RIMS2: variants seen among roughly 807,000 people sequenced by gnomAD.
The protein encoded by RIMS2 is regulating synaptic membrane exocytosis protein 2.
In RIMS2, 59 loss-of-function variants were observed where a neutral mutation model predicts 174.4. That is an observed-to-expected ratio of 0.34 (90% CI 0.27 to 0.42). The LOEUF (loss-of-function observed/expected upper bound fraction) is 0.42, where lower values mean the gene tolerates loss of function less well. RIMS2 is among the 10% of genes least tolerant of loss of function. The pLI is 1.00. For synonymous variants in RIMS2, 606 were observed against 572.5 expected, an observed-to-expected ratio of 1.06 and a Z score of -0.84; for missense variants, 1,620 against 1,666.3, an observed-to-expected ratio of 0.97 and a Z score of 0.48.
chr8:103,975,132 T>C (rs943576044), intron 15 of RIMS2, among the ~76,000 whole-genome samples: 18 of 152,188 alleles, frequency 1.2e-4, no homozygotes, highest in Admixed American at 7.9e-4. Flanking sequence ...GCCTTGGATA[T>C]AGTAACTGTC....
In RIMS2 at chr8:104,016,966, AT is replaced by A. The variant is rs1164867065; in HGVS notation, c.3334+2359del. On this transcript the variant is annotated intron_variant, in intron 19 of 23. Coordinates refer to ENST00000504942, the Ensembl canonical transcript of RIMS2. ...TAAAGTCCCCAATTGTGATTTTTCCATTTTTTTTATTTCATAAAACAAAGAG... is the reference window on the plus strand; with the variant it reads ...TAAAGTCCCCAATTGTGATTTTTCCATTTTTTTATTTCATAAAACAAAGAG... 4.0e-5 allele frequency among the ~76,000 whole-genome samples: 6 copies of A among 151,792 alleles called. No individual in the cohort carries two copies. In the Middle Eastern group the frequency reaches 0.017, roughly 433 times the overall value.
intron 12 of RIMS2, among the ~76,000 whole-genome samples, chr8:103,932,645 GA>G (rs1217259378): frequency 6.6e-6 from 1 of 152,166 alleles, no homozygotes; most frequent in Admixed American, 6.5e-5. Flanking sequence ...ATTTTGAAGA[GA>G]AACATATTTT....
chr8:103,701,478 T>C (rs1564341380), intron 2 of RIMS2, among the ~76,000 whole-genome samples: 1 of 152,116 alleles, frequency 6.6e-6, no homozygotes, highest in Non-Finnish European at 1.5e-5. Flanking sequence ...AGTGAATTAC[T>C]GATAACCATA....
At chr8:103,820,926 T>C (rs2098748161) in intron 3 of RIMS2, among the ~76,000 whole-genome samples, 1 of 151,434 alleles carries the variant, frequency 6.6e-6, no homozygotes, top group Non-Finnish European at 1.5e-5. Context: ...ATGTTATATT[T>C]AAATTAAAAA....
chr8:103,913,149 T>TC (rs1268848780), intron 6 of RIMS2, among the ~76,000 whole-genome samples: 1 of 149,128 alleles, frequency 6.7e-6, no homozygotes, highest in African/African-American at 2.6e-5. Context: ...TTTTTTTTTT[T>TC]TTGTATTTTT....
chr8:103,978,360 TAGTC>T (rs2093623425), intron 16 of RIMS2, among the ~76,000 whole-genome samples: 2 of 150,186 alleles, frequency 1.3e-5, no homozygotes, highest in African/African-American at 2.4e-5. Context: ...GCAAAAATGG[TAGTC>T]AGAGGAAAAA....
chr8:103,949,655 G>A (rs1461587913), intron 14 of RIMS2, among the ~76,000 whole-genome samples: 2 of 152,116 alleles, frequency 1.3e-5, no homozygotes, highest in Non-Finnish European at 2.9e-5. Flanking sequence ...GTAGGGAAAT[G>A]TATAGCATTA....
chr8:103,719,705 A>G (rs2097422087), intron 2 of RIMS2, among the ~76,000 whole-genome samples: 1 of 152,226 alleles, frequency 6.6e-6, no homozygotes, highest in South Asian at 2.1e-4. Flanking sequence ...CAGACCTTTT[A>G]GGATGCATAG....
intron 19 of RIMS2, among the ~76,000 whole-genome samples, chr8:104,078,210 C>T (rs1364647841): frequency 2.0e-5 from 3 of 150,378 alleles, no homozygotes; most frequent in East Asian, 1.9e-4. Context: ...GAAATTTTAG[C>T]GATTTTGTAT....
At chr8:103,888,049 T>C (rs774325396) in intron 4 of RIMS2, among the ~76,000 whole-genome samples, 4 of 151,438 alleles carry the variant, frequency 2.6e-5, no homozygotes, top group Non-Finnish European at 5.9e-5. Flanking sequence ...TAATTAAGAG[T>C]AGTGAGGGAG....
At position 104,243,618 on chromosome 8, in the gene RIMS2, G is replaced by A. The variant is rs79065556; in HGVS notation, c.3335-1298G>A. ...GGAGAATCACTTGAACCCGGGAGGC[G>A]GAGGTTGCAGTGAGCAGAGATTGTG... On this transcript the variant is annotated intron_variant, in intron 19 of 23. Transcript: ENST00000504942. Among the ~76,000 whole-genome samples the A allele has an allele frequency of 6.1e-3, 923 of 152,154 alleles. 12 individuals carry two copies. The highest frequency in any genetic ancestry group is 7.9e-3 in the Non-Finnish European group (538 of 67,972).
intron 2 of RIMS2, among the ~76,000 whole-genome samples, chr8:103,758,244 G>T (rs2098055026): frequency 6.6e-6 from 1 of 152,020 alleles, no homozygotes; most frequent in Admixed American, 6.6e-5. Context: ...TTGCCTTCAT[G>T]CAGTCTCTGG....
At chr8:104,235,281 A>G (rs933496886) in intron 19 of RIMS2, among the ~76,000 whole-genome samples, 7 of 152,166 alleles carry the variant, frequency 4.6e-5, no homozygotes, top group Admixed American at 6.6e-5. Context: ...ATGGAAGCCC[A>G]GCATGCTTTG....
At chr8:103,502,146 A>G (rs1199630849) in intron 1 of RIMS2, among the ~76,000 whole-genome samples, 1 of 152,174 alleles carries the variant, frequency 6.6e-6, no homozygotes, top group Non-Finnish European at 1.5e-5. Flanking sequence ...CGTTTTGTCA[A>G]GTATACGTTT....
intron 2 of RIMS2, among the ~76,000 whole-genome samples, chr8:103,698,598 T>C (rs2137364814): frequency 6.6e-6 from 1 of 152,296 alleles, no homozygotes; most frequent in Non-Finnish European, 1.5e-5. Context: ...CCTCATTTTG[T>C]CATGATGGAT....
At chr8:103,899,423 C>A (rs1361742708) in intron 4 of RIMS2, among the ~76,000 whole-genome samples, 1 of 151,704 alleles carries the variant, frequency 6.6e-6, no homozygotes, top group Non-Finnish European at 1.5e-5. Context: ...TTCTAACTGG[C>A]ATGAGATGGT....
At chr8:103,935,334 G>T (rs1311360313) in intron 12 of RIMS2, among the ~76,000 whole-genome samples, 1 of 152,100 alleles carries the variant, frequency 6.6e-6, no homozygotes, top group Admixed American at 6.5e-5. Context: ...TTTTCCATGT[G>T]TATTAGCAAA....
chr8:104,034,620 C>T (rs2096475529), intron 19 of RIMS2, among the ~76,000 whole-genome samples: 1 of 151,858 alleles, frequency 6.6e-6, no homozygotes, highest in African/African-American at 2.4e-5. Flanking sequence ...TAGGCACCCG[C>T]CACCACGCCT....
chr8:104,075,608 A>G (rs927867009), intron 19 of RIMS2, among the ~76,000 whole-genome samples: 22 of 152,040 alleles, frequency 1.4e-4, no homozygotes, highest in Non-Finnish European at 4.4e-5. Flanking sequence ...ACTTCTATAA[A>G]CGCTTATTTT....
Sources: gnomAD v4.1 joint callset for allele counts (sites outside exome capture counted in the v4.1 genomes callset) on GRCh38, gnomAD v4.1.1 for gene constraint, MANE v1.5 for transcripts, NCBI Gene and HGNC (gene_info 2026-07-23, HGNC 2026-07-21) for gene names.